NLGN1: variants seen among roughly 807,000 people sequenced by gnomAD.
NLGN1 encodes neuroligin-1.
Under a neutral mutation model 65.5 loss-of-function variants are expected in NLGN1, and 12 were observed. That is an observed-to-expected ratio of 0.18 (90% CI 0.12 to 0.30). The LOEUF (loss-of-function observed/expected upper bound fraction) is 0.30, where lower values mean the gene tolerates loss of function less well. NLGN1 is among the 10% of genes least tolerant of loss of function. NLGN1 has a pLI of 1.00. For missense variants in NLGN1, 750 were observed against 1,007.1 expected, an observed-to-expected ratio of 0.74 and a Z score of 3.46; for synonymous variants, 350 against 359.5, an observed-to-expected ratio of 0.97 and a Z score of 0.30.
intron 4 of NLGN1, among the ~76,000 whole-genome samples, chr3:173,888,095 CT>C (rs1404576375): frequency 1.3e-5 from 2 of 151,942 alleles, no homozygotes; most frequent in Non-Finnish European, 2.9e-5. Context: ...ATAATAAAAT[CT>C]TTGTGAATCA....
chr3:174,070,866 G>A (rs1243719339), intron 4 of NLGN1, among the ~76,000 whole-genome samples: 1 of 152,044 alleles, frequency 6.6e-6, no homozygotes, highest in Non-Finnish European at 1.5e-5. Flanking sequence ...ATCAGCCTGG[G>A]CAACATGATG....
At chr3:173,784,421 C>A (rs1477613757) in intron 3 of NLGN1, among the ~76,000 whole-genome samples, 1 of 152,122 alleles carries the variant, frequency 6.6e-6, no homozygotes, top group Non-Finnish European at 1.5e-5. Flanking sequence ...TCTACCTCCT[C>A]TCCCACAGGC....
intron 3 of NLGN1, among the ~76,000 whole-genome samples, chr3:173,684,922 T>G (rs1764473211): frequency 6.6e-6 from 1 of 152,228 alleles, no homozygotes; most frequent in African/African-American, 2.4e-5. Flanking sequence ...GCTCTACTTC[T>G]GATAATTCAT....
intron 4 of NLGN1, among the ~76,000 whole-genome samples, chr3:173,908,193 C>T (rs911331668): frequency 6.6e-6 from 1 of 152,128 alleles, no homozygotes; most frequent in Non-Finnish European, 1.5e-5. Flanking sequence ...AATGGTAATA[C>T]CTAGGCTAGT....
intron 2 of NLGN1, among the ~76,000 whole-genome samples, chr3:173,488,118 A>C (rs1020746199): frequency 3.3e-5 from 5 of 151,628 alleles, no homozygotes; most frequent in African/African-American, 1.2e-4. Context: ...TGTTAACATT[A>C]GATTTTTTAA....
intron 3 of NLGN1, among the ~76,000 whole-genome samples, chr3:173,724,648 A>G (rs1771457029): frequency 6.6e-6 from 1 of 152,208 alleles, no homozygotes. Flanking sequence ...ATCTAGAGCT[A>G]GAAATACCAT....
intron 2 of NLGN1, among the ~76,000 whole-genome samples, chr3:173,507,521 A>G (rs561994413): frequency 4.1e-4 from 63 of 152,162 alleles, no homozygotes; most frequent in Non-Finnish European, 7.9e-4. Flanking sequence ...TAGTATGTCC[A>G]CCATGGTACA....
At chr3:173,428,424 CTTTTTA>C (rs1716547085) in intron 1 of NLGN1, among the ~76,000 whole-genome samples, 1 of 151,212 alleles carries the variant, frequency 6.6e-6, no homozygotes, top group African/African-American at 2.4e-5. Flanking sequence ...TAATTTCTTA[CTTTTTA>C]TTTTTAACAT....
At chr3:173,890,971 C>G (rs567023951) in intron 4 of NLGN1, among the ~76,000 whole-genome samples, 1 of 152,248 alleles carries the variant, frequency 6.6e-6, no homozygotes, top group Admixed American at 6.5e-5. Context: ...GAGTGTTTAT[C>G]TTGAAGGGAA....
At chr3:174,064,035 G>T (rs1247112445) in intron 4 of NLGN1, among the ~76,000 whole-genome samples, 2 of 152,024 alleles carry the variant, frequency 1.3e-5, no homozygotes, top group African/African-American at 2.4e-5. Context: ...CCAGCTACTC[G>T]GGAGGCTGAG....
chr3:173,846,520 A>C (rs1037128108), intron 4 of NLGN1, among the ~76,000 whole-genome samples: 1 of 152,172 alleles, frequency 6.6e-6, no homozygotes, highest in Non-Finnish European at 1.5e-5. Flanking sequence ...CACCAAAATA[A>C]GCTGCATGTT....
intron 3 of NLGN1, among the ~76,000 whole-genome samples, chr3:173,788,920 G>A (rs1199124007): frequency 6.6e-6 from 1 of 151,536 alleles, no homozygotes; most frequent in Admixed American, 6.6e-5. Context: ...GATGTTGGCC[G>A]GGCATGATGG....
At chr3:173,421,530 A>G (rs922045526) in intron 1 of NLGN1, among the ~76,000 whole-genome samples, 21 of 151,652 alleles carry the variant, frequency 1.4e-4, no homozygotes, top group Non-Finnish European at 2.9e-4. Context: ...ATTATTTGAG[A>G]CAGGGTCTCT....
intron 4 of NLGN1, among the ~76,000 whole-genome samples, chr3:173,969,369 G>A (rs1458394575): frequency 1.3e-5 from 2 of 151,640 alleles, no homozygotes; most frequent in African/African-American, 2.4e-5. Context: ...TTCTACAAAG[G>A]GTATTAAAGT....
chr3:173,594,713 C>G (rs1377144986), intron 2 of NLGN1, among the ~76,000 whole-genome samples: 1 of 152,208 alleles, frequency 6.6e-6, no homozygotes, highest in South Asian at 2.1e-4. Flanking sequence ...CATGAGTGCC[C>G]CGCTGCTGCA....
intron 1 of NLGN1, among the ~76,000 whole-genome samples, chr3:173,416,776 T>A (rs555353031): frequency 6.6e-6 from 1 of 152,144 alleles, no homozygotes; most frequent in Non-Finnish European, 1.5e-5. Context: ...ATTAAATGGA[T>A]ACTGATATGG....
At chr3:173,946,525 A>C (rs1466138890) in intron 4 of NLGN1, among the ~76,000 whole-genome samples, 1 of 152,196 alleles carries the variant, frequency 6.6e-6, no homozygotes, top group Non-Finnish European at 1.5e-5. Flanking sequence ...ATGGATGTTT[A>C]GGTTATTTTT....
At chr3:174,069,837 G>GA (rs1257736418) in intron 4 of NLGN1, among the ~76,000 whole-genome samples, 1 of 152,206 alleles carries the variant, frequency 6.6e-6, no homozygotes, top group Non-Finnish European at 1.5e-5. Context: ...CTCGGAGTCA[G>GA]AAAGACCAGG....
chr3:173,626,000 A>G (rs1754767800), intron 3 of NLGN1, among the ~76,000 whole-genome samples: 1 of 152,116 alleles, frequency 6.6e-6, no homozygotes, highest in South Asian at 2.1e-4. Flanking sequence ...ATTAGCAACT[A>G]TATCATAATA....
Sources: gnomAD v4.1 joint callset for allele counts (sites outside exome capture counted in the v4.1 genomes callset) on GRCh38, gnomAD v4.1.1 for gene constraint, MANE v1.5 for transcripts, NCBI Gene and HGNC (gene_info 2026-07-23, HGNC 2026-07-21) for gene names.